The following CKB variants were observed in gnomAD, a reference collection of about 807,000 sequenced individuals.
CKB encodes creatine kinase B.
In CKB, 15 loss-of-function variants were observed where a neutral mutation model predicts 36.9. That is an observed-to-expected ratio of 0.41 (90% CI 0.27 to 0.63). The LOEUF is 0.63. Among genes scored for constraint, CKB ranks in the 20% least tolerant of loss-of-function variants. The probability of loss-of-function intolerance (pLI) is 0.34; values close to 1 mark genes in which losing one functional copy is unlikely to be tolerated. For missense variants in CKB, 413 were observed against 534.9 expected (o/e 0.77, Z 2.25); for synonymous variants, 250 against 228.2 (o/e 1.10, Z -0.86).
chr14:103,520,867 G>C, intron 5 of CKB: 1 of 512,438 alleles, frequency 2.0e-6, no homozygotes, highest in Non-Finnish European at 3.5e-6. Flanking sequence ...GGGGGTAGGA[G>C]CCCTGCCCCT....
intron 5 of CKB, chr14:103,520,957 C>T: frequency 1.8e-6 from 1 of 560,736 alleles, no homozygotes; most frequent in South Asian, 2.0e-5. Flanking sequence ...AGCTCCAGCT[C>T]CCAGGGCCGT....
Position 103,520,500 on chromosome 14 carries a change from ACCT to A in CKB, c.743_745del (p.Glu248del). On this transcript the variant is annotated inframe_deletion, in exon 6 of 8. Coordinates refer to ENST00000348956, the MANE Select transcript of CKB (RefSeq NM_001823.5). ...GAGGCCGGTGCAGAAGCGGGTGAACACCTCCTTCATGTTGCCCCCCTTCTGCAT... is the reference window on the plus strand; with the variant it reads ...GAGGCCGGTGCAGAAGCGGGTGAACACCTTCATGTTGCCCCCCTTCTGCAT... 1 of 1,607,594 alleles carries A rather than the reference ACCT, an allele frequency of 6.2e-7. No individual in the cohort carries two copies. The highest frequency in any genetic ancestry group is 8.5e-7 in the Non-Finnish European group (1 of 1,177,162).
intron 5 of CKB, 106 bp from the exon 6 acceptor site, chr14:103,520,698 G>C: frequency 7.0e-7 from 1 of 1,428,982 alleles, no homozygotes; most frequent in South Asian, 1.4e-5. Flanking sequence ...GCCATGCCCA[G>C]GAGTGGAGGC....
intron 4 of CKB, 62 bp downstream of exon 4, chr14:103,521,756 G>A (rs2075902811): frequency 3.7e-6 from 5 of 1,333,764 alleles, no homozygotes; most frequent in Admixed American, 4.1e-5. Context: ...ACAAAAGCGG[G>A]CGGGGACCGC....
In CKB at chr14:103,522,003, G is replaced by A. The variant is rs1469694769; in HGVS notation, c.348+20C>T. ...CGAAGACCCCGGCCCCGCCCGCCCGGCCCGCCCGCAGCCCCGCACCTGCAG... is the reference window on the plus strand; with the variant it reads ...CGAAGACCCCGGCCCCGCCCGCCCGACCCGCCCGCAGCCCCGCACCTGCAG... On this transcript the variant is annotated intron_variant, in intron 3 of 7. Coordinates refer to ENST00000348956, the MANE Select transcript of CKB (RefSeq NM_001823.5). This position sits in a 1 kb window ranked among gnomAD's most constrained non-coding sequence, Gnocchi z 6.7. 1.3e-6 allele frequency: 2 copies of A among 1,517,622 alleles called. No homozygotes were observed. The highest frequency in any genetic ancestry group is 1.8e-6 in the Non-Finnish European group (2 of 1,124,200). The allele number at this position is 1,517,622 out of a possible 1,614,324, so 94.0% of individuals were successfully genotyped here.
In CKB at chr14:103,522,437, C is replaced by T. The variant is rs764241012; in HGVS notation, c.57G>A (p.Glu19=). The T allele has an allele frequency of 2.8e-5, 45 of 1,610,160 alleles. No individual in the cohort carries two copies. In the Admixed American group the frequency reaches 7.4e-4, roughly 26 times the overall value. The change falls in exon 2 of 8, where the codon GAG becomes GAA. Residue 19 remains glutamate, a synonymous_variant. Coordinates refer to ENST00000348956, the MANE Select transcript of CKB (RefSeq NM_001823.5). The surrounding 1 kb of genome is among the most constrained non-coding windows in gnomAD (Gnocchi z 6.7). ...ALKLRFPAED[E]FPDLSAHNNH... is the part of the protein sequence containing the mutation. ...TGTTGTGGGCGCTCAGGTCGGGGAA[C>T]TCGTCCTCGGCCGGGAAGCGCAGCT...
chr14:103,520,648 G>A, intron 5 of CKB, 56 bp from the exon 6 acceptor site: 3 of 1,555,670 alleles, frequency 1.9e-6, no homozygotes, highest in Non-Finnish European at 2.6e-6. Context: ...GCCGCCCCCA[G>A]ACCAAAGGAA....
chr14:103,522,350 C>A lies in CKB; in HGVS notation c.144G>T (p.Pro48=). The change falls in exon 2 of 8, where the codon CCG becomes CCT. Residue 48 remains proline (P), a synonymous_variant. Coordinates refer to ENST00000348956, the MANE Select transcript of CKB (RefSeq NM_001823.5). The surrounding 1 kb of genome is among the most constrained non-coding windows in gnomAD (Gnocchi z 6.7). ...LYAELRAKST[P]SGFTLDDVIQ... is the part of the protein sequence containing the mutation. ...TGACGTCGTCCAGCGTGAAGCCGCT[C>A]GGCGTGCTCTTGGCGCGCAGCTCCG... is the stretch of plus-strand genomic sequence containing the variant. 1 of 1,610,938 alleles carries A rather than the reference C, an allele frequency of 6.2e-7. No individual in the cohort carries two copies. The highest frequency in any genetic ancestry group is 8.5e-7 in the Non-Finnish European group (1 of 1,179,206).
intron 4 of CKB, 65 bp from the exon 5 acceptor site, chr14:103,521,499 C>A: frequency 7.3e-7 from 1 of 1,375,154 alleles, no homozygotes; most frequent in Non-Finnish European, 9.4e-7. Flanking sequence ...AGCGCGGACC[C>A]GCCCGCCCCC....
At chr14:103,521,145 C>CCCTCCTCCT (rs137901801) in intron 5 of CKB, 118 bp downstream of exon 5, 6 of 1,243,056 alleles carry the variant, frequency 4.8e-6, no homozygotes, top group African/African-American at 3.0e-5. Flanking sequence ...GCCGGCCCCT[C>CCCTCCTCCT]CCTCCTCCTC....
At position 103,522,548 on chromosome 14, in the gene CKB, T is replaced by G. The variant is rs1044460643; in HGVS notation, c.-12-43A>C. 13 of 1,078,770 alleles carry G rather than the reference T, an allele frequency of 1.2e-5. No homozygotes were observed. The East Asian group carries it at 2.3e-4, about 19-fold the overall frequency. The allele number at this position is 1,078,770 out of a possible 1,614,324, so 66.8% of individuals were successfully genotyped here. ...GTCAGAGGGGACCGGCACGCCGGGG[T>G]TCCCGGGCTCCCGCGTACCACTCAG... On this transcript the variant is annotated intron_variant, in intron 1 of 7. Transcript: ENST00000348956. This position sits in a 1 kb window ranked among gnomAD's most constrained non-coding sequence, Gnocchi z 6.7.
At chr14:103,520,093 C>T (rs1233596174) in intron 7 of CKB, 29 bp downstream of exon 7, 3 of 1,602,284 alleles carry the variant, frequency 1.9e-6, no homozygotes, top group East Asian at 4.5e-5. Context: ...CCAAAGGCCA[C>T]GGGAAGCCGC....
chr14:103,521,005 G>A (rs1488214118), intron 5 of CKB: 3 of 606,262 alleles, frequency 4.9e-6, no homozygotes, highest in African/African-American at 1.9e-5. Flanking sequence ...CCCACCTCAC[G>A]TCTCGGGGTG....
rs1214709267 is a variant in CKB at position 103,521,574 on chromosome 14, C to A, written c.482-140G>T. The stretch of plus-strand genomic sequence containing the variant: ...CGGATCTGCGGGCGTCCAGTCCTCA[C>A]GGCCCGGGCGACGGTCCCAGGCGGT... On this transcript the variant is annotated intron_variant, in intron 4 of 7. Transcript: ENST00000348956. The A allele has an allele frequency of 5.1e-6, 5 of 971,528 alleles. No homozygotes were observed. The Admixed American group carries it at 1.3e-4, about 25-fold the overall frequency. 60.2% of individuals were successfully genotyped at this position (971,528 alleles called of 1,614,324 possible). A position where few individuals can be genotyped will look rare whatever the true frequency, so the allele number is the denominator to read the frequency against.
chr14:103,521,937 A>G lies in CKB; in HGVS notation c.362T>C (p.Leu121Pro), dbSNP rs1333131050. 1.3e-6 allele frequency: 2 copies of G among 1,578,764 alleles called. No homozygotes were observed. Among genetic ancestry groups the G allele is most frequent in the Non-Finnish European group, 1.7e-6 (2 of 1,169,430 alleles). The part of the protein sequence containing the change: ...NPDNLQGGDD[L>P]DPNYVLSSRV... ...CGAGCTCAGCACGTAGTTGGGGTCC[A>G]GGTCGTCGCCGCCCTGGGAGGCGAG... Residue 121 changes from leucine to proline, a missense_variant, in exon 4 of 8, where the codon CTG (leucine) becomes CCG (proline). Physicochemically the swap from Leu to Pro is moderately conservative, Grantham distance 98. Transcript: ENST00000348956.
chr14:103,522,552 C>T lies in CKB; in HGVS notation c.-12-47G>A. On this transcript the variant is annotated intron_variant, in intron 1 of 7. Transcript: ENST00000348956. This position sits in a 1 kb window ranked among gnomAD's most constrained non-coding sequence, Gnocchi z 6.7. ...GAGGGGACCGGCACGCCGGGGTTCC[C>T]GGGCTCCCGCGTACCACTCAGGCCC... 1 of 725,402 alleles carries T rather than the reference C, an allele frequency of 1.4e-6. No individual in the cohort carries two copies. The highest frequency in any genetic ancestry group is 2.0e-6 in the Non-Finnish European group (1 of 509,680). 44.9% of individuals were successfully genotyped at this position (725,402 alleles called of 1,614,324 possible). A position where few individuals can be genotyped will look rare whatever the true frequency, so the allele number is the denominator to read the frequency against.
rs763138832 is a variant in CKB, at chr14:103,520,032, G to C, written c.978C>G (p.Asp326Glu). The change falls in exon 8 of 8, where the codon GAC (aspartate) becomes GAG (glutamate). Residue 326 changes from aspartate (D) to glutamate (E), a missense_variant. This residue lies in a region of CKB where 314 missense variants were observed against 409.4 expected (regional missense o/e 0.77). Coordinates refer to ENST00000348956, the MANE Select transcript of CKB (RefSeq NM_001823.5). ...CGAAGACCCCGCCCACCGCAGCCGT[G>C]TCCACACCGCCTGGGGAGACAGCAA... ...RLQKRGTGGVDTAAVGGVFDV... is the reference protein window; with the variant it reads ...RLQKRGTGGVETAAVGGVFDV... 6 of 1,610,128 alleles carry C rather than the reference G, an allele frequency of 3.7e-6. No individual in the cohort carries two copies. The highest frequency in any genetic ancestry group is 5.1e-6 in the Non-Finnish European group (6 of 1,179,846).
At position 103,522,172 on chromosome 14, in the gene CKB, G is replaced by C; in HGVS notation, c.199C>G (p.Pro67Ala). ...IQTGVDNPGH[P>A]YIMTVGCVAG... is the part of the protein sequence containing the mutation. ...ACGCAGCCCACGGTCATGATGTACG[G>C]GTGGCCTGGGGGAGGGGGCGCGGGA... Residue 67 changes from proline to alanine, a missense_variant, in exon 3 of 8, where the codon CCG (proline) becomes GCG (alanine). Pro to Ala is a conservative substitution (Grantham distance 27). Around this residue, in one of 3 missense-constraint regions of CKB, gnomAD observed 25 missense variants for 54.9 expected, o/e 0.46. Coordinates refer to ENST00000348956, the MANE Select transcript of CKB (RefSeq NM_001823.5). This position sits in a 1 kb window ranked among gnomAD's most constrained non-coding sequence, Gnocchi z 6.7. 6.2e-7 allele frequency: 1 copy of C among 1,603,830 alleles called. No individual in the cohort carries two copies. Among genetic ancestry groups the C allele is most frequent in the South Asian group, 1.1e-5 (1 of 89,772 alleles).
Position 103,522,601 on chromosome 14 carries a change from C to A in CKB, c.-12-96G>T. 2 of 883,728 alleles carry A rather than the reference C, an allele frequency of 2.3e-6. No individual in the cohort carries two copies. Among genetic ancestry groups the A allele is most frequent in the South Asian group, 5.4e-5 (2 of 37,198 alleles). The allele number at this position is 883,728 out of a possible 1,614,324, so 54.7% of individuals were successfully genotyped here. On this transcript the variant is annotated intron_variant, in intron 1 of 7. Transcript: ENST00000348956. This position sits in a 1 kb window ranked among gnomAD's most constrained non-coding sequence, Gnocchi z 6.7. ...CCCCGCCGCCGGGCCCCCCGGCGCC[C>A]CCCGGGACGCGGCCAAGGTCAGCGG...
Sources: allele counts gnomAD v4.1 joint callset, GRCh38; gene constraint gnomAD v4.1.1; regional missense constraint gnomAD v4.1.1; non-coding constraint Gnocchi (gnomAD v3.1); transcripts MANE v1.5; gene names NCBI Gene and HGNC (gene_info 2026-07-23, HGNC 2026-07-21).